Variants in CLSTN1 observed in about 807,000 individuals in gnomAD.
CLSTN1 encodes calsyntenin-1.
CLSTN1 carries 28 observed loss-of-function variants against 108.3 expected under a neutral mutation model. The observed-to-expected ratio is 0.26, with a 90% CI of 0.19 to 0.35. The LOEUF is 0.35. Among genes scored for constraint, CLSTN1 ranks in the 10% least tolerant of loss-of-function variants. The pLI, the probability that CLSTN1 is intolerant of heterozygous loss-of-function variation, is 1.00. For synonymous variants in CLSTN1, 524 were observed against 534.9 expected (o/e 0.98, Z 0.28); for missense variants, 1,157 against 1,302.6 (o/e 0.89, Z 1.72).
chr1:9,743,688 C>G (rs889215361), intron 9 of CLSTN1, among the ~76,000 whole-genome samples, 196 bp downstream of exon 9: 6 of 151,840 alleles, frequency 4.0e-5, no homozygotes, highest in African/African-American at 1.2e-4. Flanking sequence ...GCCAGGACTA[C>G]AGGCATGTGC....
rs1444933196 is a variant in CLSTN1, at chr1:9,810,623, A to T, written c.91+13020T>A. ...AACCCCATCTCTACTAAAAATACAA[A>T]AATTAGCCAGGTGTGGTGGTGTACA... On this transcript the variant is annotated intron_variant, in intron 1 of 18. Transcript: ENST00000377298. Among the ~76,000 whole-genome samples, 6 of 150,944 alleles carry T rather than the reference A, an allele frequency of 4.0e-5. No individual in the cohort carries two copies. The East Asian group carries it at 1.2e-3, about 29-fold the overall frequency.
intron 10 of CLSTN1, 130 bp downstream of exon 10, chr1:9,740,964 G>C (rs1371699739): frequency 9.7e-7 from 1 of 1,026,408 alleles, no homozygotes; most frequent in African/African-American, 1.6e-5. Flanking sequence ...GCTGTACACA[G>C]GAAATGGAAG....
chr1:9,800,375 G>T (rs1008533595), intron 1 of CLSTN1, among the ~76,000 whole-genome samples: 1 of 151,664 alleles, frequency 6.6e-6, no homozygotes, highest in Non-Finnish European at 1.5e-5. Flanking sequence ...CAAATTCCTA[G>T]TATCAGAAAT....
chr1:9,788,728 C>T (rs1302115555), intron 1 of CLSTN1, among the ~76,000 whole-genome samples: 3 of 150,712 alleles, frequency 2.0e-5, no homozygotes, highest in East Asian at 2.0e-4. Flanking sequence ...ATTTGCCAGG[C>T]GTGGTGGCGG....
In CLSTN1 at chr1:9,733,601, C is replaced by A. The variant is rs148323508; in HGVS notation, c.2282-55G>T. On this transcript the variant is annotated intron_variant, in intron 15 of 18. Transcript: ENST00000377298. ...GGGTGGCTTAGGGCAGGAGCATGGG[C>A]AGGGCTGCAGCCGTCAGCACAGGCA... 824 of 1,602,698 alleles carry A rather than the reference C, an allele frequency of 5.1e-4. 1 individual carries two copies. The African/African-American group carries it at 0.01, about 20-fold the overall frequency.
chr1:9,818,508 T>C (rs1376212096), intron 1 of CLSTN1, among the ~76,000 whole-genome samples: 2 of 151,472 alleles, frequency 1.3e-5, no homozygotes, highest in Non-Finnish European at 2.9e-5. Context: ...TTTGTATTTT[T>C]AGTAGAGACA....
In CLSTN1 at chr1:9,734,970, C is replaced by G. The variant is rs148965486; in HGVS notation, c.2088G>C (p.Gly696=). Residue 696 remains glycine (G), a synonymous_variant, in exon 14 of 19, where the codon GGG becomes GGC. Transcript: ENST00000377298. The surrounding 1 kb of genome is among the most constrained non-coding windows in gnomAD (Gnocchi z 4.8). ...TACCTGTGGGGTCCTCAGCCCCGTC[C>G]CCTTCAGGCTCCACTTCTCTCGTGA... ...STITREVEPE[G]DGAEDPTVQE... is the part of the protein sequence containing the mutation. 9 of 1,614,074 alleles carry G rather than the reference C, an allele frequency of 5.6e-6. No individual in the cohort carries two copies. In the African/African-American group the frequency reaches 9.3e-5, roughly 17 times the overall value.
chr1:9,748,322 A>G (rs1263140329), intron 7 of CLSTN1, among the ~76,000 whole-genome samples: 2 of 152,190 alleles, frequency 1.3e-5, no homozygotes, highest in African/African-American at 2.4e-5. Flanking sequence ...GCTGACAGTA[A>G]AGAGAGACCT....
rs1407591955 is a variant in CLSTN1 at position 9,749,627 on chromosome 1, C to T, written c.819G>A (p.Glu273=). Residue 273 remains glutamate (E), a synonymous_variant, in exon 7 of 19, where the codon GAG becomes GAA. Transcript: ENST00000377298. The part of the protein sequence containing the change: ...PGWQGWNNRI[E]YEPGTGALAV... Reference sequence around the variant, plus strand: ...CCAACGCGCCGGTGCCCGGCTCATACTCAATCCTGTTGTTCCATCCTGTGT... The same window carrying T: ...CCAACGCGCCGGTGCCCGGCTCATATTCAATCCTGTTGTTCCATCCTGTGT... 2.5e-6 allele frequency: 4 copies of T among 1,613,996 alleles called. No individual in the cohort carries two copies. Among genetic ancestry groups the T allele is most frequent in the Middle Eastern group, 1.6e-4 (1 of 6,062 alleles).
chr1:9,819,023 T>C (rs1655095157), intron 1 of CLSTN1, among the ~76,000 whole-genome samples: 2 of 151,720 alleles, frequency 1.3e-5, no homozygotes, highest in African/African-American at 2.4e-5. Context: ...CTTGATCTCC[T>C]GACCTCGTGA....
chr1:9,801,910 A>G (rs930905876), intron 1 of CLSTN1, among the ~76,000 whole-genome samples: 2 of 152,150 alleles, frequency 1.3e-5, no homozygotes, highest in African/African-American at 4.8e-5. Flanking sequence ...AAAACTACAC[A>G]CCAATATCTC....
At chr1:9,791,349 C>A (rs1259239651) in intron 1 of CLSTN1, among the ~76,000 whole-genome samples, 1 of 151,296 alleles carries the variant, frequency 6.6e-6, no homozygotes, top group Non-Finnish European at 1.5e-5. Context: ...CTCCAGAAAT[C>A]CTTCTGCCTC....
chr1:9,807,053 G>A lies in CLSTN1; in HGVS notation c.91+16590C>T, dbSNP rs1384472566. On this transcript the variant is annotated intron_variant, in intron 1 of 18. Transcript: ENST00000377298. ...CAGCATTGCCTAAAGTGTGTTCCCCGGGACACTGGTGCCACAGGTGCGGCA... is the reference window on the plus strand; with the variant it reads ...CAGCATTGCCTAAAGTGTGTTCCCCAGGACACTGGTGCCACAGGTGCGGCA... Among the ~76,000 whole-genome samples, 7 of 151,802 alleles carry A rather than the reference G, an allele frequency of 4.6e-5. 1 individual carries two copies. The highest frequency in any genetic ancestry group is 3.9e-4 in the East Asian group (2 of 5,184).
rs140324308 is a variant in CLSTN1 at position 9,744,598 on chromosome 1, G to A, written c.1031C>T (p.Ser344Phe). ...TAELLPSPSGSLNWTMGLPTD... is the reference protein window; with the variant it reads ...TAELLPSPSGFLNWTMGLPTD... ...GGGCAGGCCCATGGTCCAGTTGAGGGATCCACTCGGGGATGGCAGCAGCTC... is the reference window on the plus strand; with the variant it reads ...GGGCAGGCCCATGGTCCAGTTGAGGAATCCACTCGGGGATGGCAGCAGCTC... Residue 344 changes from serine (S) to phenylalanine (F), a missense_variant, in exon 8 of 19, where the codon TCC becomes TTC. By Grantham distance (155) the Ser-to-Phe change is radical. Coordinates refer to ENST00000377298, the MANE Select transcript of CLSTN1 (RefSeq NM_001009566.3). The A allele has an allele frequency of 5.6e-6, 9 of 1,613,274 alleles. No homozygotes were observed. Among genetic ancestry groups the A allele is most frequent in the South Asian group, 1.1e-5 (1 of 91,052 alleles).
Position 9,735,533 on chromosome 1 carries a change from G to C in CLSTN1, c.1817C>G (p.Ser606Trp). The change falls in exon 13 of 19, where the codon TCG becomes TGG. Residue 606 changes from serine (S) to tryptophan (W), a missense_variant. By Grantham distance (177) the Ser-to-Trp change is radical. Transcript: ENST00000377298. The part of the protein sequence containing the change: ...GELDKAMQHI[S>W]YLNSRQFPTP... ...GGGGAACTGCCGGGAGTTCAGGTAC[G>C]AGATGTGCTGCATGGCCTTATCCAA... The C allele has an allele frequency of 1.2e-6, 2 of 1,614,150 alleles. No individual in the cohort carries two copies. The highest frequency in any genetic ancestry group is 1.7e-6 in the Non-Finnish European group (2 of 1,180,018).
At chr1:9,802,234 C>T (rs537729294) in intron 1 of CLSTN1, among the ~76,000 whole-genome samples, 1 of 152,240 alleles carries the variant, frequency 6.6e-6, no homozygotes, top group East Asian at 1.9e-4. Flanking sequence ...AGAACTGAGA[C>T]CCAGGACTTT....
intron 1 of CLSTN1, among the ~76,000 whole-genome samples, chr1:9,814,833 G>T (rs1269496718): frequency 6.6e-6 from 1 of 151,866 alleles, no homozygotes; most frequent in Admixed American, 6.6e-5. Flanking sequence ...AAGGGAGGTT[G>T]AGGCTGCAGT....
chr1:9,782,977 AGCCTGGGT>A (rs1169905621), intron 1 of CLSTN1, among the ~76,000 whole-genome samples: 3 of 152,230 alleles, frequency 2.0e-5, no homozygotes, highest in Non-Finnish European at 4.4e-5. Flanking sequence ...ATCGCACTCC[AGCCTGGGT>A]GACAGAGCGA....
rs938018168 is a variant in CLSTN1, at chr1:9,808,880, T to C, written c.91+14763A>G. ...GAGTACAGCCGGGACTGCTCTAGCC[T>C]GAGCCAAGGCTGCTGTCCCAAATCC... On this transcript the variant is annotated intron_variant, in intron 1 of 18. Coordinates refer to ENST00000377298, the MANE Select transcript of CLSTN1 (RefSeq NM_001009566.3). Among the ~76,000 whole-genome samples the C allele has an allele frequency of 5.7e-4, 86 of 151,984 alleles. 1 individual carries two copies. Among genetic ancestry groups the C allele is most frequent in the African/African-American group, 2.0e-3 (83 of 41,460 alleles).
Sources: gnomAD v4.1 joint callset for allele counts (sites outside exome capture counted in the v4.1 genomes callset) on GRCh38, gnomAD v4.1.1 for gene constraint, Gnocchi (gnomAD v3.1) non-coding constraint, MANE v1.5 for transcripts, NCBI Gene and HGNC (gene_info 2026-07-23, HGNC 2026-07-21) for gene names.